Variants in SLC14A2 observed in about 807,000 individuals in gnomAD.
SLC14A2 encodes solute carrier family 14 member 2, also known as urea transporter 2.
SLC14A2 carries 91 observed loss-of-function variants against 104.6 expected under a neutral mutation model. The observed-to-expected ratio is 0.87, with a 90% confidence interval of 0.73 to 1.04. The LOEUF is 1.04. Ranked by LOEUF, SLC14A2 falls within the 50% of genes least tolerant of loss-of-function variation. The pLI is 0.00. For missense variants in SLC14A2, 1,189 were observed against 1,156.0 expected, an observed-to-expected ratio of 1.03 and a Z score of -0.41; for synonymous variants, 476 against 466.4, an observed-to-expected ratio of 1.02 and a Z score of -0.27.
intron 1 of SLC14A2, among the ~76,000 whole-genome samples, chr18:45,295,922 C>A (rs1445769031): frequency 6.6e-6 from 1 of 152,044 alleles, no homozygotes. Flanking sequence ...CCTCAAGAGG[C>A]TGTTGTGAGC....
At chr18:45,636,688 CTATTTTA>C (rs1446886868) in intron 5 of SLC14A2, among the ~76,000 whole-genome samples, 1 of 151,976 alleles carries the variant, frequency 6.6e-6, no homozygotes, top group Non-Finnish European at 1.5e-5. Context: ...AATATTTCCA[CTATTTTA>C]TAAAGTGTTT....
At chr18:45,427,290 A>G (rs551233949) in intron 1 of SLC14A2, among the ~76,000 whole-genome samples, 1 of 152,154 alleles carries the variant, frequency 6.6e-6, no homozygotes, top group South Asian at 2.1e-4. Flanking sequence ...CTCTCCTGGA[A>G]ATCAGGAGGC....
At chr18:45,571,355 C>T (rs2044342357) in intron 2 of SLC14A2, among the ~76,000 whole-genome samples, 1 of 151,878 alleles carries the variant, frequency 6.6e-6, no homozygotes, top group African/African-American at 2.4e-5. Flanking sequence ...GCAGCCTGCT[C>T]TTTTCTCTGG....
At chr18:45,420,115 G>C (rs916446482) in intron 1 of SLC14A2, among the ~76,000 whole-genome samples, 11 of 152,190 alleles carry the variant, frequency 7.2e-5, no homozygotes, top group Non-Finnish European at 1.6e-4. Context: ...CTGAGGACTT[G>C]ACCAGGACTA....
intron 1 of SLC14A2, among the ~76,000 whole-genome samples, chr18:45,228,941 C>T (rs1423529004): frequency 1.3e-5 from 2 of 152,128 alleles, no homozygotes; most frequent in African/African-American, 4.8e-5. Context: ...AAACATTGGC[C>T]CGGTTCCACC....
At chr18:45,396,968 C>T (rs970746122) in intron 1 of SLC14A2, among the ~76,000 whole-genome samples, 9 of 152,124 alleles carry the variant, frequency 5.9e-5, no homozygotes, top group African/African-American at 2.2e-4. Context: ...GCCTCCAGCT[C>T]CACCCATGTT....
intron 1 of SLC14A2, among the ~76,000 whole-genome samples, chr18:45,238,169 T>C (rs1406785935): frequency 2.0e-5 from 3 of 152,194 alleles, no homozygotes; most frequent in Non-Finnish European, 4.4e-5. Flanking sequence ...GCCTAGCAGA[T>C]GGTTATGGTC....
upstream of SLC14A2, among the ~76,000 whole-genome samples, chr18:45,612,371 T>C (rs895563051): frequency 1.3e-5 from 2 of 152,234 alleles, no homozygotes; most frequent in African/African-American, 4.8e-5. Context: ...GAATAGCATT[T>C]AAACTCCTTA....
chr18:45,170,104 C>A, the SLC14A2 span, among the ~76,000 whole-genome samples: 1 of 152,120 alleles, frequency 6.6e-6, no homozygotes, highest in African/African-American at 2.4e-5. Context: ...GGAAAGGGAA[C>A]AAATAAAAGA....
At chr18:45,500,828 T>C (rs573125480) in intron 2 of SLC14A2, among the ~76,000 whole-genome samples, 2 of 152,242 alleles carry the variant, frequency 1.3e-5, no homozygotes, top group East Asian at 3.9e-4. Context: ...TTCTATCTGG[T>C]TTCGGGAAGA....
intron 1 of SLC14A2, among the ~76,000 whole-genome samples, chr18:45,323,525 T>G (rs2085205211): frequency 6.6e-6 from 1 of 152,220 alleles, no homozygotes; most frequent in Admixed American, 6.5e-5. Context: ...TTTCTCTCCT[T>G]CTTTTGATTG....
intron 1 of SLC14A2, among the ~76,000 whole-genome samples, chr18:45,424,358 G>T (rs1338879332): frequency 6.6e-6 from 1 of 152,194 alleles, no homozygotes; most frequent in African/African-American, 2.4e-5. Context: ...ATATTCTGGG[G>T]TTCTATGGAG....
At chr18:45,324,524 G>A (rs906467781) in intron 1 of SLC14A2, among the ~76,000 whole-genome samples, 1 of 151,966 alleles carries the variant, frequency 6.6e-6, no homozygotes, top group Non-Finnish European at 1.5e-5. Context: ...GCTTCTGCAG[G>A]ATAGGCTCAG....
intron 1 of SLC14A2, among the ~76,000 whole-genome samples, chr18:45,327,319 A>C (rs2085245410): frequency 6.6e-6 from 1 of 152,096 alleles, no homozygotes; most frequent in Non-Finnish European, 1.5e-5. Context: ...TCAATAGCCC[A>C]GTGCTTTTTT....
chr18:45,208,807 T>C (rs1473512951), upstream of SLC14A2, among the ~76,000 whole-genome samples: 1 of 151,570 alleles, frequency 6.6e-6, no homozygotes, highest in Non-Finnish European at 1.5e-5. Flanking sequence ...ATCAATCAGA[T>C]AGAAAAAGTT....
chr18:45,616,754 G>A (rs1347531555), intron 1 of SLC14A2, among the ~76,000 whole-genome samples: 1 of 152,204 alleles, frequency 6.6e-6, no homozygotes, highest in Non-Finnish European at 1.5e-5. Context: ...TTATTCATGG[G>A]ATGAGAGGGC....
At chr18:45,451,507 G>C (rs2086857395) in intron 1 of SLC14A2, among the ~76,000 whole-genome samples, 1 of 151,948 alleles carries the variant, frequency 6.6e-6, no homozygotes, top group South Asian at 2.1e-4. Context: ...AGAATGGGTA[G>C]GATTTTGTTT....
At chr18:45,430,003 C>G (rs2086490000) in intron 1 of SLC14A2, among the ~76,000 whole-genome samples, 1 of 152,176 alleles carries the variant, frequency 6.6e-6, no homozygotes, top group Non-Finnish European at 1.5e-5. Context: ...GTCTCTTGAT[C>G]CTCATTCATA....
intron 1 of SLC14A2, among the ~76,000 whole-genome samples, chr18:45,398,159 G>A (rs1354871317): frequency 6.6e-6 from 1 of 152,144 alleles, no homozygotes; most frequent in African/African-American, 2.4e-5. Context: ...AATGAGGCAA[G>A]GCCCACACAG....
Sources: allele counts gnomAD v4.1 joint callset (sites outside exome capture counted in the v4.1 genomes callset), GRCh38; gene constraint gnomAD v4.1.1; transcripts MANE v1.5; gene names NCBI Gene and HGNC (gene_info 2026-07-23, HGNC 2026-07-21).